The following CTNS variants were observed in gnomAD, a reference collection of about 807,000 sequenced individuals.
CTNS encodes cystinosin, lysosomal cystine transporter.
CTNS carries 27 observed loss-of-function variants against 43.7 expected under a neutral mutation model. The ratio of observed to expected loss-of-function variants is 0.62; its 90% CI spans 0.46 to 0.85. The LOEUF (loss-of-function observed/expected upper bound fraction) is 0.85, where lower values mean the gene tolerates loss of function less well. CTNS is among the 40% of genes least tolerant of loss of function. The pLI is 0.00. For synonymous variants in CTNS, 187 were observed against 190.6 expected, an observed-to-expected ratio of 0.98 and a Z score of 0.16; for missense variants, 457 against 475.4, an observed-to-expected ratio of 0.96 and a Z score of 0.36.
At position 3,637,201 on chromosome 17, in the gene CTNS, C is replaced by T. The variant is rs1450076043; in HGVS notation, c.-135C>T. 6.6e-6 allele frequency: 1 copy of T among 152,232 alleles called. No homozygotes were observed. Among genetic ancestry groups the T allele is most frequent in the African/African-American group, 2.4e-5 (1 of 41,448 alleles). The allele number at this position is 152,232 out of a possible 1,614,324, so 9.4% of individuals were successfully genotyped here. On this transcript the variant is annotated 5_prime_UTR_variant, in exon 2 of 12. Transcript: ENST00000046640. ...GGACTGAGCAGCACGAGACCCCATC[C>T]TCCCCTCCGGGTTTTCACACTGGGC... is the stretch of plus-strand genomic sequence containing the variant.
intron 3 of CTNS, 102 bp from the exon 4 acceptor site, chr17:3,647,342 T>G: frequency 1.0e-6 from 1 of 971,568 alleles, no homozygotes; most frequent in Non-Finnish European, 1.7e-6. Context: ...CGTCAGAGAG[T>G]CAGAGCTCAG....
In CTNS at chr17:3,658,059, C is replaced by A. The variant is rs527539859; in HGVS notation, c.736C>A (p.Leu246Ile). The A allele has an allele frequency of 6.2e-6, 10 of 1,612,098 alleles. No homozygotes were observed. In the African/African-American group the frequency reaches 1.3e-4, roughly 21 times the overall value. The change falls in exon 10 of 12, where the codon CTC becomes ATC. Residue 246 changes from leucine (L) to isoleucine (I), a missense_variant. Physicochemically the swap from Leu to Ile is conservative, Grantham distance 5. Coordinates refer to ENST00000046640, the MANE Select transcript of CTNS (RefSeq NM_004937.3). ...CATCGGCTTCCTGGTGCTCGCGTGGCTCTTCGCATTTGTCACCATGATCGT... is the reference window on the plus strand; with the variant it reads ...CATCGGCTTCCTGGTGCTCGCGTGGATCTTCGCATTTGTCACCATGATCGT... ...PAIGFLVLAW[L>I]FAFVTMIVAA...
intron 3 of CTNS, among the ~76,000 whole-genome samples, chr17:3,644,191 C>T (rs1314566930): frequency 1.3e-5 from 2 of 152,208 alleles, no homozygotes; most frequent in African/African-American, 4.8e-5. Context: ...ATGTTACAAA[C>T]ATTGCTACAT....
At chr17:3,650,651 G>A (rs551210197) in intron 5 of CTNS, 24 of 218,718 alleles carry the variant, frequency 1.1e-4, no homozygotes, top group Middle Eastern at 3.8e-3. Flanking sequence ...TGTGAGGCCA[G>A]CATGCAGAGC....
rs2076281481 is a variant in CTNS, at chr17:3,661,763, G to A, written c.*1394G>A. 2.0e-5 allele frequency among the ~76,000 whole-genome samples: 3 copies of A among 152,208 alleles called. No homozygotes were observed. The highest frequency in any genetic ancestry group is 2.0e-4 in the Admixed American group (3 of 15,288). On this transcript the variant is annotated 3_prime_UTR_variant, in exon 12 of 12. Coordinates refer to ENST00000046640, the MANE Select transcript of CTNS (RefSeq NM_004937.3). ...GCTCCGTGTCTTCACGGTTACCAGG[G>A]CACGCCACTCAATCTGGATGTGAGC...
chr17:3,659,825 C>T, intron 10 of CTNS, 33 bp from the exon 11 acceptor site: 1 of 1,550,894 alleles, frequency 6.4e-7, no homozygotes, highest in Non-Finnish European at 8.9e-7. Flanking sequence ...GCCCTCACCG[C>T]CCTCCGTCTG....
At chr17:3,642,878 C>T (rs2075754173) in intron 3 of CTNS, among the ~76,000 whole-genome samples, 1 of 152,136 alleles carries the variant, frequency 6.6e-6, no homozygotes, top group Admixed American at 6.6e-5. Flanking sequence ...AATCTTGAGG[C>T]AGTGCAGCCT....
At chr17:3,638,796 A>C (rs918373947) in intron 2 of CTNS, among the ~76,000 whole-genome samples, 134 of 152,152 alleles carry the variant, frequency 8.8e-4, no homozygotes, top group African/African-American at 3.2e-3. Flanking sequence ...CAAGAGTGAG[A>C]GGGAGGCCTG....
At chr17:3,645,929 CT>C (rs1163836568) in intron 3 of CTNS, among the ~76,000 whole-genome samples, 12 of 149,952 alleles carry the variant, frequency 8.0e-5, no homozygotes, top group African/African-American at 2.5e-4. Context: ...ATTCATCTGC[CT>C]TTGAGGGGTC....
intron 9 of CTNS, 26 bp from the exon 10 acceptor site, chr17:3,657,979 C>T (rs1567713523): frequency 6.2e-7 from 1 of 1,604,578 alleles, no homozygotes; most frequent in South Asian, 1.1e-5. Context: ...TGTGGGTCCA[C>T]ATCTCTGCCC....
chr17:3,654,390 C>A (rs984412455), intron 5 of CTNS, among the ~76,000 whole-genome samples: 3 of 152,124 alleles, frequency 2.0e-5, no homozygotes, highest in Admixed American at 6.6e-5. Flanking sequence ...AAGTCTCACC[C>A]AGGCCAGGTA....
At position 3,662,644 on chromosome 17, in the gene CTNS, A is replaced by G. The variant is rs909154420; in HGVS notation, c.*2275A>G. Among the ~76,000 whole-genome samples the G allele has an allele frequency of 2.0e-5, 3 of 152,216 alleles. No homozygotes were observed. The highest frequency in any genetic ancestry group is 7.2e-5 in the African/African-American group (3 of 41,474). On this transcript the variant is annotated 3_prime_UTR_variant, in exon 12 of 12. Coordinates refer to ENST00000046640, the MANE Select transcript of CTNS (RefSeq NM_004937.3). Reference sequence around the variant, plus strand: ...TAGGGGCTTCACAGTAACACCCAAGAAAGCACACGCACCCCAGGGTCCCAC... The same window carrying G: ...TAGGGGCTTCACAGTAACACCCAAGGAAGCACACGCACCCCAGGGTCCCAC...
At chr17:3,643,751 G>T (rs1464406899) in intron 3 of CTNS, among the ~76,000 whole-genome samples, 1 of 152,098 alleles carries the variant, frequency 6.6e-6, no homozygotes, top group Non-Finnish European at 1.5e-5. Flanking sequence ...ATTTTCAGTG[G>T]AGACAGAGTT....
rs774486231 is a variant in CTNS, at chr17:3,658,137, A to C, written c.814A>C (p.Ile272Leu). ...WLQFLFCFSYIKLAVTLVKYF... is the reference protein window; with the variant it reads ...WLQFLFCFSYLKLAVTLVKYF... ...GCAGTTTCTCTTCTGCTTCTCCTAC[A>C]TCAAGCTCGCAGTCACGCTGGTCAA... The change falls in exon 10 of 12, where the codon ATC (isoleucine) becomes CTC (leucine). Residue 272 changes from isoleucine to leucine, a missense_variant. Physicochemically the swap from Ile to Leu is conservative, Grantham distance 5 (BLOSUM62 2). Coordinates refer to ENST00000046640, the MANE Select transcript of CTNS (RefSeq NM_004937.3). 2 of 1,612,344 alleles carry C rather than the reference A, an allele frequency of 1.2e-6. No homozygotes were observed. The highest frequency in any genetic ancestry group is 3.3e-5 in the Admixed American group (2 of 60,028).
intron 2 of CTNS, among the ~76,000 whole-genome samples, chr17:3,638,384 C>T (rs548631844): frequency 1.6e-4 from 25 of 151,898 alleles, no homozygotes; most frequent in South Asian, 6.2e-4. Flanking sequence ...ACTACAGGCA[C>T]ATGCCACCAC....
chr17:3,660,886 C>CT lies in CTNS; in HGVS notation c.*520dup. The CT allele has an allele frequency of 8.7e-7, 1 of 1,148,878 alleles. No homozygotes were observed. The highest frequency in any genetic ancestry group is 1.3e-6 in the Non-Finnish European group (1 of 797,164). The allele number at this position is 1,148,878 out of a possible 1,614,324, so 71.2% of individuals were successfully genotyped here. A position where few individuals can be genotyped will look rare whatever the true frequency, so the allele number is the denominator to read the frequency against. Reference sequence around the variant, plus strand: ...CATGGGGCTCTTTCTCTGAAGGCCACTTTCCTGACGTACTCTCTGTACATA... The same window carrying CT: ...CATGGGGCTCTTTCTCTGAAGGCCACTTTTCCTGACGTACTCTCTGTACATA... On this transcript the variant is annotated 3_prime_UTR_variant, in exon 12 of 12. Transcript: ENST00000046640.
Position 3,648,916 on chromosome 17 carries a change from T to TG in CTNS, c.211dup (p.Glu71GlyfsTer5). ...TTCGTTCCAAAAATATTACTATCCT[T>TG]GAGCTCCCCGATGAAGTAAGTAACC... On this transcript the variant is annotated frameshift_variant, in exon 5 of 12. Coordinates refer to ENST00000046640, the MANE Select transcript of CTNS (RefSeq NM_004937.3). LOFTEE classifies it high-confidence loss of function. The TG allele has an allele frequency of 6.2e-7, 1 of 1,612,770 alleles. No homozygotes were observed. The highest frequency in any genetic ancestry group is 8.5e-7 in the Non-Finnish European group (1 of 1,178,756).
chr17:3,650,529 TGA>T, intron 5 of CTNS: 3 of 568,780 alleles, frequency 5.3e-6, no homozygotes, highest in Non-Finnish European at 8.4e-6. Flanking sequence ...ACAGCATTGC[TGA>T]GAGGGGATCT....
intron 2 of CTNS, among the ~76,000 whole-genome samples, chr17:3,638,019 A>G (rs544912132): frequency 2.6e-5 from 4 of 152,314 alleles, no homozygotes; most frequent in South Asian, 4.1e-4. Flanking sequence ...AGGAGCTGCC[A>G]CACTAGACCC....
Sources: allele counts gnomAD v4.1 joint callset (sites outside exome capture counted in the v4.1 genomes callset), GRCh38; gene constraint gnomAD v4.1.1; transcripts MANE v1.5; gene names NCBI Gene and HGNC (gene_info 2026-07-23, HGNC 2026-07-21).